CARMIL1: variants seen among roughly 807,000 people sequenced by gnomAD.
CARMIL1 encodes the protein capping protein regulator and myosin 1 linker 1.
In CARMIL1, 90 loss-of-function variants were observed where a neutral mutation model predicts 177.1. The observed-to-expected ratio is 0.51, with a 90% CI of 0.43 to 0.61. CARMIL1 has a LOEUF of 0.61. Among genes scored for constraint, CARMIL1 ranks in the 20% least tolerant of loss-of-function variants. The pLI, the probability that CARMIL1 is intolerant of heterozygous loss-of-function variation, is 0.00. For synonymous variants in CARMIL1, 577 were observed against 606.2 expected (o/e 0.95, Z 0.71); for missense variants, 1,380 against 1,667.0 (o/e 0.83, Z 3.00).
At chr6:25,319,036 T>G (rs1784487040) in intron 2 of CARMIL1, among the ~76,000 whole-genome samples, 1 of 152,204 alleles carries the variant, frequency 6.6e-6, no homozygotes, top group Non-Finnish European at 1.5e-5. Context: ...TACTCATGAA[T>G]TAGGCAATTT....
At position 25,450,002 on chromosome 6, in the gene CARMIL1, A is replaced by G. The variant is rs557812659; in HGVS notation, c.469+7A>G. 32 of 1,592,252 alleles carry G rather than the reference A, an allele frequency of 2.0e-5. No homozygotes were observed. In the African/African-American group the frequency reaches 3.0e-4, roughly 15 times the overall value. ...GCTGAGCAGGGCCCCTGTGGTGAGC[A>G]TGCATTTTAAAACTGAAATGTGAAT... On this transcript the variant is annotated splice_region_variant and intron_variant, in intron 6 of 36. Coordinates refer to ENST00000329474, the MANE Select transcript of CARMIL1 (RefSeq NM_017640.6).
chr6:25,468,256 C>A (rs985778117), intron 9 of CARMIL1, among the ~76,000 whole-genome samples: 5 of 151,544 alleles, frequency 3.3e-5, no homozygotes, highest in African/African-American at 1.2e-4. Flanking sequence ...GGCCAACATT[C>A]TTGATTCATT....
At chr6:25,402,246 T>C (rs1348913358) in intron 2 of CARMIL1, among the ~76,000 whole-genome samples, 1 of 152,174 alleles carries the variant, frequency 6.6e-6, no homozygotes, top group East Asian at 1.9e-4. Context: ...TCAATTATAA[T>C]AAGACTCTTC....
At chr6:25,451,441 G>A (rs1266225130) in intron 8 of CARMIL1, among the ~76,000 whole-genome samples, 1 of 152,104 alleles carries the variant, frequency 6.6e-6, no homozygotes, top group East Asian at 1.9e-4. Context: ...GTGTATATGT[G>A]TATGTTGGTG....
rs1368413136 is a variant in CARMIL1, at chr6:25,580,962, A to T, written c.2781A>T (p.Arg927=). The T allele has an allele frequency of 1.2e-6, 2 of 1,601,930 alleles. No individual in the cohort carries two copies. The highest frequency in any genetic ancestry group is 1.1e-5 in the South Asian group (1 of 88,432). Reference sequence around the variant, plus strand: ...CCAAAAGGAAGAGTATCCATAGCCGAATGCTGCGGCCTGTTTCTAGGGCTT... The same window carrying T: ...CCAAAAGGAAGAGTATCCATAGCCGTATGCTGCGGCCTGTTTCTAGGGCTT... ...PKSKRKSIHS[R]MLRPVSRAFE... The change falls in exon 30 of 37, where the codon CGA becomes CGT. Residue 927 remains arginine, a synonymous_variant. Transcript: ENST00000329474.
intron 13 of CARMIL1, among the ~76,000 whole-genome samples, chr6:25,490,231 C>T (rs1347047997): frequency 6.6e-6 from 1 of 152,090 alleles, no homozygotes; most frequent in African/African-American, 2.4e-5. Flanking sequence ...GCCAAATAGT[C>T]TTGTCACCAT....
At chr6:25,490,558 C>T (rs768021737) in intron 13 of CARMIL1, among the ~76,000 whole-genome samples, 5 of 151,964 alleles carry the variant, frequency 3.3e-5, no homozygotes, top group Admixed American at 6.6e-5. Context: ...ATTAGCTGGG[C>T]GTGGTGTCAC....
intron 24 of CARMIL1, among the ~76,000 whole-genome samples, chr6:25,534,990 C>T (rs999265114): frequency 3.7e-4 from 57 of 152,166 alleles, no homozygotes; most frequent in African/African-American, 1.3e-3. Flanking sequence ...AATTCTTACC[C>T]GTGGGTTCAA....
At chr6:25,477,988 T>G (rs1427972320) in intron 11 of CARMIL1, among the ~76,000 whole-genome samples, 5 of 151,638 alleles carry the variant, frequency 3.3e-5, no homozygotes, top group Admixed American at 1.3e-4. Flanking sequence ...CCCAAGTAGC[T>G]GGGATTGCAG....
intron 2 of CARMIL1, among the ~76,000 whole-genome samples, chr6:25,397,666 G>A (rs1793535616): frequency 6.6e-6 from 1 of 152,188 alleles, no homozygotes; most frequent in African/African-American, 2.4e-5. Context: ...GGTATTCACT[G>A]GGCTGCTTAG....
chr6:25,426,432 C>G, intron 3 of CARMIL1, 69 bp from the exon 4 acceptor site: 1 of 962,684 alleles, frequency 1.0e-6, no homozygotes, highest in Non-Finnish European at 1.5e-6. Flanking sequence ...TTTTTTTTAC[C>G]TTAAGTTATA....
At chr6:25,459,273 T>TCTTTCTTTCTTTCTTTCTTTCTTCC (rs1390647134) in intron 8 of CARMIL1, among the ~76,000 whole-genome samples, 2 of 132,754 alleles carry the variant, frequency 1.5e-5, no homozygotes, top group Admixed American at 8.0e-5. Context: ...TTTCTTTTTT[T>TCTTTCTTTCTTTCTTTCTTTCTTCC]TTTTTTTAAG....
chr6:25,376,088 A>ATTG (rs1294144871), intron 2 of CARMIL1, among the ~76,000 whole-genome samples: 4 of 151,978 alleles, frequency 2.6e-5, no homozygotes, highest in Non-Finnish European at 5.9e-5. Flanking sequence ...AATTATTATT[A>ATTG]TTATTTTTTG....
chr6:25,539,322 G>A (rs980531235), intron 25 of CARMIL1, among the ~76,000 whole-genome samples: 1 of 151,982 alleles, frequency 6.6e-6, no homozygotes, highest in African/African-American at 2.4e-5. Flanking sequence ...TGTCAGAATT[G>A]AATTGAATAG....
At chr6:25,596,206 A>T (rs1303125139) in intron 32 of CARMIL1, among the ~76,000 whole-genome samples, 2 of 137,586 alleles carry the variant, frequency 1.5e-5, no homozygotes, top group East Asian at 5.1e-4. Flanking sequence ...GATACTGCTC[A>T]AGGAAGATTC....
chr6:25,283,884 T>TG (rs1422732000), intron 1 of CARMIL1, among the ~76,000 whole-genome samples: 1 of 151,308 alleles, frequency 6.6e-6, no homozygotes, highest in Non-Finnish European at 1.5e-5. Context: ...TGGCTAATTT[T>TG]TTTTTGTATT....
intron 2 of CARMIL1, among the ~76,000 whole-genome samples, chr6:25,368,552 G>C (rs1396276528): frequency 6.6e-6 from 1 of 152,150 alleles, no homozygotes; most frequent in East Asian, 1.9e-4. Context: ...AATTTAGGGA[G>C]ACAAAACAGA....
At chr6:25,370,422 CTG>C (rs1790290611) in intron 2 of CARMIL1, among the ~76,000 whole-genome samples, 1 of 152,180 alleles carries the variant, frequency 6.6e-6, no homozygotes, top group Non-Finnish European at 1.5e-5. Flanking sequence ...CTTTCCATCA[CTG>C]TGTTTATTTT....
intron 2 of CARMIL1, among the ~76,000 whole-genome samples, chr6:25,300,186 G>A (rs116423312): frequency 0.028 from 4,255 of 152,160 alleles, 73 homozygotes; most frequent in Non-Finnish European, 0.038. Flanking sequence ...TTATCTAAAA[G>A]TCTATATGCA....
Sources: gnomAD v4.1 joint callset for allele counts (sites outside exome capture counted in the v4.1 genomes callset) on GRCh38, gnomAD v4.1.1 for gene constraint, MANE v1.5 for transcripts, NCBI Gene and HGNC (gene_info 2026-07-23, HGNC 2026-07-21) for gene names.